PRDM16: variants seen among roughly 807,000 people sequenced by gnomAD.
PRDM16 encodes PR/SET domain 16.
Under a neutral mutation model 110.6 loss-of-function variants are expected in PRDM16, and 23 were observed. The ratio of observed to expected loss-of-function variants is 0.21; its 90% CI spans 0.15 to 0.29. The LOEUF is 0.29. Ranked by LOEUF, PRDM16 falls within the 10% of genes least tolerant of loss-of-function variation. The pLI, the probability that PRDM16 is intolerant of heterozygous loss-of-function variation, is 1.00. For missense variants in PRDM16, 1,615 were observed against 1,794.3 expected, an observed-to-expected ratio of 0.90 and a Z score of 1.81; for synonymous variants, 799 against 781.8, an observed-to-expected ratio of 1.02 and a Z score of -0.37.
chr1:3,169,626 C>G (rs1171787840), intron 1 of PRDM16, among the ~76,000 whole-genome samples: 1 of 152,172 alleles, frequency 6.6e-6, no homozygotes, highest in Non-Finnish European at 1.5e-5. Flanking sequence ...AAGAGGCTGA[C>G]AGAGGAAAAC....
chr1:3,404,706 C>G, intron 6 of PRDM16, 33 bp from the exon 7 acceptor site: 1 of 1,609,702 alleles, frequency 6.2e-7, no homozygotes, highest in South Asian at 1.1e-5. Context: ...GGCAGGTAGT[C>G]GGGCCCCGCA....
Position 3,431,065 on chromosome 1 carries a change from G to A in PRDM16, c.3478G>A (p.Glu1160Lys). ...QAAYEDEEDE[E>K]PAASLAVGFD... Reference sequence around the variant, plus strand: ...CGCCTACGAGGATGAGGAGGATGAGGAGCCAGCCGCCTCCCTGGCCGTGGG... The same window carrying A: ...CGCCTACGAGGATGAGGAGGATGAGAAGCCAGCCGCCTCCCTGGCCGTGGG... Residue 1160 changes from glutamate to lysine, a missense_variant, in exon 15 of 17, where the codon GAG becomes AAG. Physicochemically the swap from Glu to Lys is moderately conservative, Grantham distance 56 (BLOSUM62 1). Coordinates refer to ENST00000270722, the MANE Select transcript of PRDM16 (RefSeq NM_022114.4). 1 of 1,554,496 alleles carries A rather than the reference G, an allele frequency of 6.4e-7. No homozygotes were observed. The highest frequency in any genetic ancestry group is 8.7e-7 in the Non-Finnish European group (1 of 1,149,356).
intron 2 of PRDM16, among the ~76,000 whole-genome samples, chr1:3,187,823 C>T (rs961890972): frequency 6.6e-6 from 1 of 152,204 alleles, no homozygotes; most frequent in Non-Finnish European, 1.5e-5. Flanking sequence ...TAAAGCCCCC[C>T]AGCCCTTTAC....
chr1:3,310,680 C>T (rs528947487), intron 3 of PRDM16, among the ~76,000 whole-genome samples: 1 of 152,342 alleles, frequency 6.6e-6, no homozygotes, highest in African/African-American at 2.4e-5. Flanking sequence ...CCTCTCCAGG[C>T]CTTCCTCCTC....
intron 2 of PRDM16, among the ~76,000 whole-genome samples, chr1:3,224,747 G>A (rs114864264): frequency 0.017 from 2,519 of 152,352 alleles, 72 homozygotes; most frequent in African/African-American, 0.057. Context: ...CAGGATGACA[G>A]GGGGAACCCC....
chr1:3,223,515 A>C (rs913046896), intron 2 of PRDM16, among the ~76,000 whole-genome samples: 8 of 152,168 alleles, frequency 5.3e-5, no homozygotes, highest in African/African-American at 1.7e-4. Context: ...TCGTGGCAAG[A>C]GGGAGAAAGA....
chr1:3,404,260 C>T (rs1016893617), intron 6 of PRDM16, among the ~76,000 whole-genome samples: 2 of 152,220 alleles, frequency 1.3e-5, no homozygotes, highest in Non-Finnish European at 2.9e-5. Flanking sequence ...GGGTCCCCTC[C>T]GTGTCACCTG....
chr1:3,436,601 A>C lies in PRDM16; in HGVS notation c.*2790A>C, dbSNP rs1638916358. The C allele has an allele frequency of 4.3e-6, 1 of 231,644 alleles. No homozygotes were observed. Among genetic ancestry groups the C allele is most frequent in the Admixed American group, 5.6e-5 (1 of 17,716 alleles). 14.3% of individuals were successfully genotyped at this position (231,644 alleles called of 1,614,324 possible). On this transcript the variant is annotated 3_prime_UTR_variant, in exon 17 of 17. Coordinates refer to ENST00000270722, the MANE Select transcript of PRDM16 (RefSeq NM_022114.4). ...GCCCCAAAACACGGCCCCGACACTT[A>C]GTGTGGCCCCAGGCCCCAGCGAGCC...
At position 3,201,200 on chromosome 1, in the gene PRDM16, T is replaced by A. The variant is rs1638617052; in HGVS notation, c.387+14726T>A. ...AAAAGGGGTCTGGGCTGCATTTTGA[T>A]AAAAGCCTTCAAACTCCATTCATAT... On this transcript the variant is annotated intron_variant, in intron 2 of 16. Transcript: ENST00000270722. This position sits in a 1 kb window ranked among gnomAD's most constrained non-coding sequence, Gnocchi z 4.1. 6.6e-6 allele frequency among the ~76,000 whole-genome samples: 1 copy of A among 152,128 alleles called. No homozygotes were observed. Among genetic ancestry groups the A allele is most frequent in the Non-Finnish European group, 1.5e-5 (1 of 68,006 alleles).
intron 1 of PRDM16, among the ~76,000 whole-genome samples, chr1:3,131,921 A>G (rs2100685032): frequency 6.6e-6 from 1 of 152,342 alleles, no homozygotes; most frequent in East Asian, 1.9e-4. Context: ...AATTAGCCCC[A>G]TAATACTTAA....
rs2100596205 is a variant in PRDM16, at chr1:3,380,029, ATG to A, written c.439-5122_439-5121del. Among the ~76,000 whole-genome samples, 2 of 113,328 alleles carry A rather than the reference ATG, an allele frequency of 1.8e-5. 1 individual carries two copies. Among genetic ancestry groups the A allele is most frequent in the African/African-American group, 6.9e-5 (2 of 28,792 alleles). The allele number at this position is 113,328 out of a possible 152,430, so 74.3% of individuals were successfully genotyped here. ...ACCCCTCCCAGTGCAATCCCTCACCATGCACCCCTCCCAACACATTCATCCCA... is the reference window on the plus strand; with the variant it reads ...ACCCCTCCCAGTGCAATCCCTCACCACACCCCTCCCAACACATTCATCCCA... On this transcript the variant is annotated intron_variant, in intron 3 of 16. Transcript: ENST00000270722.
chr1:3,086,178 C>A (rs963409631), intron 1 of PRDM16, among the ~76,000 whole-genome samples: 1 of 152,128 alleles, frequency 6.6e-6, no homozygotes, highest in African/African-American at 2.4e-5. Context: ...AGATGGGGAA[C>A]CTGAGGTTGC....
At chr1:3,176,180 T>TCCATCCATCC (rs1644085598) in intron 1 of PRDM16, among the ~76,000 whole-genome samples, 3 of 34,042 alleles carry the variant, frequency 8.8e-5, no homozygotes, top group Non-Finnish European at 2.3e-4. Flanking sequence ...TCCATCCATC[T>TCCATCCATCC]ATCCATCCAT....
In PRDM16 at chr1:3,425,803, A is replaced by C; in HGVS notation, c.3109+53A>C. 1 of 1,600,972 alleles carries C rather than the reference A, an allele frequency of 6.2e-7. No homozygotes were observed. Among genetic ancestry groups the C allele is most frequent in the Non-Finnish European group, 8.5e-7 (1 of 1,171,364 alleles). On this transcript the variant is annotated intron_variant, in intron 13 of 16. Coordinates refer to ENST00000270722, the MANE Select transcript of PRDM16 (RefSeq NM_022114.4). The surrounding 1 kb of genome is among the most constrained non-coding windows in gnomAD (Gnocchi z 6.9). Reference sequence around the variant, plus strand: ...CAGAGCACCCACACGGGCAGGCCCCACAGAGGGGGAGGGGGAACAGCAGGG... The same window carrying C: ...CAGAGCACCCACACGGGCAGGCCCCCCAGAGGGGGAGGGGGAACAGCAGGG...
At chr1:3,275,066 C>T (rs1640552194) in intron 3 of PRDM16, among the ~76,000 whole-genome samples, 1 of 152,232 alleles carries the variant, frequency 6.6e-6, no homozygotes, top group Non-Finnish European at 1.5e-5. Context: ...CTGGCTGGCT[C>T]CCAGGTGCGC....
At chr1:3,295,073 C>A (rs1225810721) in intron 3 of PRDM16, among the ~76,000 whole-genome samples, 1 of 152,204 alleles carries the variant, frequency 6.6e-6, no homozygotes, top group Non-Finnish European at 1.5e-5. Flanking sequence ...TGCCTGTGGG[C>A]CCAAACTGTT....
At chr1:3,101,734 T>C (rs1175824716) in intron 1 of PRDM16, among the ~76,000 whole-genome samples, 1 of 152,194 alleles carries the variant, frequency 6.6e-6, no homozygotes, top group African/African-American at 2.4e-5. Flanking sequence ...AAATGGCATA[T>C]GTCCTCAGGG....
chr1:3,106,459 G>A (rs1642654159), intron 1 of PRDM16, among the ~76,000 whole-genome samples: 1 of 152,206 alleles, frequency 6.6e-6, no homozygotes, highest in South Asian at 2.1e-4. Flanking sequence ...GAGGGCTGGT[G>A]CGAGATGGAT....
intron 1 of PRDM16, among the ~76,000 whole-genome samples, chr1:3,181,882 ACACGCAGTCTTACACACG>A (rs1355457883): frequency 2.1e-4 from 20 of 94,310 alleles, no homozygotes; most frequent in African/African-American, 2.5e-4. Context: ...ACGGTCTTGC[ACACGCAGTCTTACACACG>A]GTCTTACACA....
Sources: gnomAD v4.1 joint callset for allele counts (sites outside exome capture counted in the v4.1 genomes callset) on GRCh38, gnomAD v4.1.1 for gene constraint, Gnocchi (gnomAD v3.1) non-coding constraint, MANE v1.5 for transcripts, NCBI Gene and HGNC (gene_info 2026-07-23, HGNC 2026-07-21) for gene names.